The following DNPEP variants were observed in gnomAD, a reference collection of about 807,000 sequenced individuals.
The protein encoded by DNPEP is aspartyl aminopeptidase.
A neutral mutation model predicts 59.1 loss-of-function variants in DNPEP; 46 were observed. That is an observed-to-expected ratio of 0.78 (90% CI 0.61 to 0.99). The LOEUF is 0.99. Ranked by LOEUF, DNPEP falls within the 50% of genes least tolerant of loss-of-function variation. The probability of loss-of-function intolerance (pLI) is 0.00; values close to 1 mark genes in which losing one functional copy is unlikely to be tolerated. For synonymous variants in DNPEP, 229 were observed against 242.2 expected, an observed-to-expected ratio of 0.95 and a Z score of 0.50; for missense variants, 617 against 649.9, an observed-to-expected ratio of 0.95 and a Z score of 0.55.
chr2:219,398,895 C>T (rs947884852), intron 1 of DNPEP, among the ~76,000 whole-genome samples: 1 of 152,248 alleles, frequency 6.6e-6, no homozygotes, highest in African/African-American at 2.4e-5. Context: ...CAGGCCCTCG[C>T]CTTCCTCTGG....
In DNPEP at chr2:219,383,170, C is replaced by A. The variant is rs1953670914; in HGVS notation, c.897G>T (p.Glu299Asp). The A allele has an allele frequency of 1.2e-6, 2 of 1,614,112 alleles. No individual in the cohort carries two copies. Among genetic ancestry groups the A allele is most frequent in the Admixed American group, 3.3e-5 (2 of 60,014 alleles). The change falls in exon 10 of 15, where the codon GAG becomes GAT. Residue 299 changes from glutamate to aspartate, a missense_variant. Transcript: ENST00000273075. Reference protein sequence around the residue: ...SCAGPGSLATEPHVRMVTLYD... With the variant: ...SCAGPGSLATDPHVRMVTLYD... Reference sequence around the variant, plus strand: ...AGAGTGTGACCATGCGCACGTGAGGCTCTGTGGCCAGGGAGCCAGGGCCTG... The same window carrying A: ...AGAGTGTGACCATGCGCACGTGAGGATCTGTGGCCAGGGAGCCAGGGCCTG...
intron 9 of DNPEP, among the ~76,000 whole-genome samples, chr2:219,383,479 T>C (rs1047737865): frequency 3.9e-5 from 6 of 152,022 alleles, no homozygotes; most frequent in South Asian, 2.1e-4. Context: ...TTTTCTCTTT[T>C]TTTCTTTCTT....
In DNPEP at chr2:219,382,134, C is replaced by T. The variant is rs1953629685; in HGVS notation, c.942G>A (p.Gly314=). 1.2e-6 allele frequency: 2 copies of T among 1,609,592 alleles called. No individual in the cohort carries two copies. Among genetic ancestry groups the T allele is most frequent in the Non-Finnish European group, 1.7e-6 (2 of 1,179,952 alleles). Residue 314 remains glycine (G), a synonymous_variant, in exon 11 of 15, where the codon GGG becomes GGA. Transcript: ENST00000273075. ...MVTLYDNEEV[G]SESAQGAQSL... The stretch of plus-strand genomic sequence containing the variant: ...ACTGTGCTCCCTGTGCACTCTCAGA[C>T]CCCACCTGGCGACAGTAGAGTCCTG...
At chr2:219,383,083 C>A in intron 10 of DNPEP, 48 bp downstream of exon 10, 1 of 1,560,210 alleles carries the variant, frequency 6.4e-7, no homozygotes. Context: ...AACAAGTTGG[C>A]TGTGGAAGAC....
rs767709907 is a variant in DNPEP, at chr2:219,386,970, T to C, written c.141A>G (p.Glu47=). 1.2e-6 allele frequency: 2 copies of C among 1,613,162 alleles called. No homozygotes were observed. The highest frequency in any genetic ancestry group is 3.3e-5 in the Admixed American group (2 of 59,962). The part of the protein sequence containing the change: ...RSPSPFHAVA[E]CRNRLLQAGF... Reference sequence around the variant, plus strand: ...CAGCCTGGAGAAGGCGGTTGCGGCATTCAGCCACAGCTGTGGGAAAAGCAC... The same window carrying C: ...CAGCCTGGAGAAGGCGGTTGCGGCACTCAGCCACAGCTGTGGGAAAAGCAC... Residue 47 remains glutamate (E), a synonymous_variant, in exon 3 of 15, where the codon GAA becomes GAG. Transcript: ENST00000273075.
upstream of DNPEP, among the ~76,000 whole-genome samples, chr2:219,389,748 G>A (rs1345181623): frequency 2.0e-5 from 3 of 151,922 alleles, no homozygotes; most frequent in Non-Finnish European, 4.4e-5. Context: ...CAAGAGAATC[G>A]CTTGAACCCG....
intron 13 of DNPEP, among the ~76,000 whole-genome samples, chr2:219,376,111 A>G (rs530674023): frequency 1.3e-5 from 2 of 152,344 alleles, no homozygotes; most frequent in South Asian, 4.1e-4. Flanking sequence ...CCACTGGTCA[A>G]AGCCATGGCA....
At position 219,383,197 on chromosome 2, in the gene DNPEP, A is replaced by T; in HGVS notation, c.870T>A (p.Cys290Ter). Residue 290 changes from cysteine (C) to a stop codon, truncating the protein, a stop_gained, in exon 10 of 15, where the codon TGT becomes TGA. Coordinates refer to ENST00000273075, the MANE Select transcript of DNPEP (RefSeq NM_012100.4). LOFTEE classifies it high-confidence loss of function. ...FCALQALIDS[C>*]AGPGSLATEP... ...CTGTGGCCAGGGAGCCAGGGCCTGC[A>T]CAGGAATCTATCAAGGCCTGGTTCA... The T allele has an allele frequency of 6.2e-7, 1 of 1,614,174 alleles. No homozygotes were observed. Among genetic ancestry groups the T allele is most frequent in the Non-Finnish European group, 8.5e-7 (1 of 1,180,016 alleles).
At chr2:219,374,827 G>A (rs375490557) in intron 14 of DNPEP, 28 bp downstream of exon 14, 1 of 1,602,670 alleles carries the variant, frequency 6.2e-7, no homozygotes, top group East Asian at 2.2e-5. Flanking sequence ...CAGCCCAGCT[G>A]CCAGAGAGGG....
chr2:219,385,774 C>T (rs1217932414), intron 6 of DNPEP, 68 bp from the exon 7 acceptor site: 2 of 1,461,146 alleles, frequency 1.4e-6, no homozygotes, highest in Non-Finnish European at 1.9e-6. Context: ...TCCATAAGTT[C>T]AGGTGCCTCC....
chr2:219,377,257 G>C (rs1379851472), intron 13 of DNPEP, among the ~76,000 whole-genome samples: 1 of 116,402 alleles, frequency 8.6e-6, no homozygotes, highest in Admixed American at 1.1e-4. Flanking sequence ...CTGGGCGACA[G>C]AGTGAAACTC....
chr2:219,391,313 C>G (rs1464875302), upstream of DNPEP, among the ~76,000 whole-genome samples: 2 of 152,092 alleles, frequency 1.3e-5, no homozygotes, highest in African/African-American at 2.4e-5. Context: ...TTGCACAGAC[C>G]TTTATACCCA....
intron 4 of DNPEP, 65 bp downstream of exon 4, chr2:219,386,600 G>A (rs1574990195): frequency 5.3e-6 from 8 of 1,506,608 alleles, no homozygotes; most frequent in Non-Finnish European, 7.3e-6. Context: ...GTACCTCCTA[G>A]TTCTCTTTTG....
chr2:219,397,303 T>C (rs1481553082), intron 1 of DNPEP, among the ~76,000 whole-genome samples: 2 of 151,044 alleles, frequency 1.3e-5, no homozygotes, highest in Non-Finnish European at 2.9e-5. Context: ...CCACTGAGAC[T>C]GGCAAACACT....
chr2:219,395,008 T>G (rs1210771598), intron 1 of DNPEP, among the ~76,000 whole-genome samples: 1 of 151,396 alleles, frequency 6.6e-6, no homozygotes, highest in Non-Finnish European at 1.5e-5. Flanking sequence ...CAGGCTGGAG[T>G]GCAGTGGTGC....
rs1289454954 is a variant in DNPEP, at chr2:219,383,199, A to G, written c.868T>C (p.Cys290Arg). The change falls in exon 10 of 15, where the codon TGT becomes CGT. Residue 290 changes from cysteine to arginine, a missense_variant. Coordinates refer to ENST00000273075, the MANE Select transcript of DNPEP (RefSeq NM_012100.4). ...GTGGCCAGGGAGCCAGGGCCTGCAC[A>G]GGAATCTATCAAGGCCTGGTTCAGG... The part of the protein sequence containing the change: ...FCALQALIDS[C>R]AGPGSLATEP... 2 of 1,614,186 alleles carry G rather than the reference A, an allele frequency of 1.2e-6. No individual in the cohort carries two copies. The highest frequency in any genetic ancestry group is 2.2e-5 in the East Asian group (1 of 44,878).
chr2:219,390,052 A>T (rs1294653608), upstream of DNPEP, among the ~76,000 whole-genome samples: 1 of 151,866 alleles, frequency 6.6e-6, no homozygotes, highest in Admixed American at 6.6e-5. Context: ...TGAGTAAGAG[A>T]TTCAAACATC....
At chr2:219,381,864 C>T (rs887644489) in intron 11 of DNPEP, 115 bp downstream of exon 11, 47 of 1,346,118 alleles carry the variant, frequency 3.5e-5, no homozygotes, top group Non-Finnish European at 4.5e-5. Flanking sequence ...GTGAACCTCC[C>T]GGCAGAATGA....
chr2:219,375,047 G>A, intron 13 of DNPEP, 25 bp from the exon 14 acceptor site: 1 of 1,612,536 alleles, frequency 6.2e-7, no homozygotes, highest in South Asian at 1.1e-5. Flanking sequence ...AGACCCATGA[G>A]CAACATGCAG....
Sources: gnomAD v4.1 joint callset for allele counts (sites outside exome capture counted in the v4.1 genomes callset) on GRCh38, gnomAD v4.1.1 for gene constraint, MANE v1.5 for transcripts, NCBI Gene and HGNC (gene_info 2026-07-23, HGNC 2026-07-21) for gene names.